CAPN2: variants seen among roughly 807,000 people sequenced by gnomAD.
The protein encoded by CAPN2 is calpain 2.
In CAPN2, 92 loss-of-function variants were observed where a neutral mutation model predicts 102.3. The observed-to-expected ratio is 0.90, with a 90% CI of 0.76 to 1.07. The LOEUF is 1.07. CAPN2 is among the 50% of genes least tolerant of loss of function. The pLI is 0.00. For synonymous variants in CAPN2, 340 were observed against 355.4 expected (o/e 0.96, Z 0.49); for missense variants, 800 against 909.4 (o/e 0.88, Z 1.55).
At chr1:223,728,362 G>C (rs990619878) in intron 2 of CAPN2, among the ~76,000 whole-genome samples, 1 of 152,070 alleles carries the variant, frequency 6.6e-6, no homozygotes, top group Non-Finnish European at 1.5e-5. Flanking sequence ...TCTCTTTTGT[G>C]GTCTCCCCAT....
At chr1:223,720,460 C>T (rs961447557) in intron 2 of CAPN2, among the ~76,000 whole-genome samples, 2 of 151,770 alleles carry the variant, frequency 1.3e-5, no homozygotes, top group African/African-American at 4.8e-5. Flanking sequence ...GGACTACAGG[C>T]ACACGCCACC....
At position 223,725,156 on chromosome 1, in the gene CAPN2, A is replaced by G. The variant is rs1215088044; in HGVS notation, c.307+7325A>G. On this transcript the variant is annotated intron_variant, in intron 2 of 20. Coordinates refer to ENST00000295006, the MANE Select transcript of CAPN2 (RefSeq NM_001748.5). The surrounding 1 kb of genome is among the most constrained non-coding windows in gnomAD (Gnocchi z 4.1). ...TCATCCGTGAAATGAAGATAATAAT[A>G]GTGCCTACTATCAAGACCATCCTGG... is the stretch of plus-strand genomic sequence containing the variant. Among the ~76,000 whole-genome samples, 1 of 152,204 alleles carries G rather than the reference A, an allele frequency of 6.6e-6. No homozygotes were observed. Among genetic ancestry groups the G allele is most frequent in the Non-Finnish European group, 1.5e-5 (1 of 68,044 alleles).
At chr1:223,711,552 T>C (rs574285320), upstream of CAPN2, among the ~76,000 whole-genome samples, 11 of 152,256 alleles carry the variant, frequency 7.2e-5, no homozygotes, top group Non-Finnish European at 1.6e-4. Context: ...GTATCTGTTG[T>C]TTATCTGAAA....
In CAPN2 at chr1:223,745,378, T is replaced by C. The variant is rs964697479; in HGVS notation, c.499T>C (p.Phe167Leu). 8 of 1,614,168 alleles carry C rather than the reference T, an allele frequency of 5.0e-6. No individual in the cohort carries two copies. The highest frequency in any genetic ancestry group is 5.9e-6 in the Non-Finnish European group (7 of 1,180,022). The part of the protein sequence containing the change: ...RLPTKDGELL[F>L]VHSAEGSEFW... ...GCCCACCAAGGACGGGGAGCTGCTCTTTGTGCATTCAGCCGAAGGGAGCGA... is the reference window on the plus strand; with the variant it reads ...GCCCACCAAGGACGGGGAGCTGCTCCTTGTGCATTCAGCCGAAGGGAGCGA... Residue 167 changes from phenylalanine (F) to leucine (L), a missense_variant, in exon 4 of 21, where the codon TTT becomes CTT. Transcript: ENST00000295006.
At position 223,759,128 on chromosome 1, in the gene CAPN2, G is replaced by A. The variant is rs1222080; in HGVS notation, c.1318-142G>A. The stretch of plus-strand genomic sequence containing the variant: ...TGTGTTGCCCAGGCTGGTTTCTGAC[G>A]CCTGGCCTCGCCTCCTTATACACCA... On this transcript the variant is annotated intron_variant, in intron 11 of 20. Transcript: ENST00000295006. This position sits in a 1 kb window ranked among gnomAD's most constrained non-coding sequence, Gnocchi z 4.6. 0.041 allele frequency: 30,818 copies of A among 750,346 alleles called. 2,899 individuals are homozygous for A. Among genetic ancestry groups the A allele is most frequent in the African/African-American group, 0.27 (15,288 of 57,506 alleles). The allele number at this position is 750,346 out of a possible 1,614,324, so 46.5% of individuals were successfully genotyped here. A position where few individuals can be genotyped will look rare whatever the true frequency, so the allele number is the denominator to read the frequency against.
chr1:223,731,784 G>A lies in CAPN2; in HGVS notation c.308-12316G>A, dbSNP rs1362241174. The stretch of plus-strand genomic sequence containing the variant: ...CGAGAAGCATGGAGTGAGGGATGTG[G>A]AGGCAGCGGAAGGCATCTGGGAGTC... On this transcript the variant is annotated intron_variant, in intron 2 of 20. Transcript: ENST00000295006. This position sits in a 1 kb window ranked among gnomAD's most constrained non-coding sequence, Gnocchi z 4.2. Among the ~76,000 whole-genome samples the A allele has an allele frequency of 4.6e-5, 7 of 152,238 alleles. No individual in the cohort carries two copies. Among genetic ancestry groups the A allele is most frequent in the African/African-American group, 1.7e-4 (7 of 41,470 alleles).
At chr1:223,757,682 A>ACTCTTTGT in intron 11 of CAPN2, 1 of 479,848 alleles carries the variant, frequency 2.1e-6, no homozygotes, top group Non-Finnish European at 3.7e-6. Context: ...GAGGCTTTTC[A>ACTCTTTGT]CAAAGTTCTT....
intron 11 of CAPN2, chr1:223,758,497 C>A (rs1661095286): frequency 6.6e-6 from 1 of 152,282 alleles, no homozygotes; most frequent in African/African-American, 2.4e-5. Flanking sequence ...GTGCATCATA[C>A]ACCACGTAGA....
rs1660153308 is a variant in CAPN2, at chr1:223,725,039, G to A, written c.307+7208G>A. On this transcript the variant is annotated intron_variant, in intron 2 of 20. Transcript: ENST00000295006. The surrounding 1 kb of genome is among the most constrained non-coding windows in gnomAD (Gnocchi z 4.1). ...TATCAGGGTAGCGAATGAGGACTTG[G>A]TGTCTGGCAGTTAGGGACTGGCCTC... is the stretch of plus-strand genomic sequence containing the variant. Among the ~76,000 whole-genome samples the A allele has an allele frequency of 6.6e-6, 1 of 152,166 alleles. No homozygotes were observed. Among genetic ancestry groups the A allele is most frequent in the Non-Finnish European group, 1.5e-5 (1 of 68,030 alleles).
intron 5 of CAPN2, 98 bp from the exon 6 acceptor site, chr1:223,748,941 G>A (rs1258926496): frequency 1.8e-6 from 2 of 1,121,606 alleles, no homozygotes; most frequent in South Asian, 1.3e-5. Context: ...GCGCTAGTGC[G>A]TCCGGCGGTC....
chr1:223,747,832 C>A (rs1660784803), intron 5 of CAPN2, among the ~76,000 whole-genome samples: 1 of 152,158 alleles, frequency 6.6e-6, no homozygotes, highest in African/African-American at 2.4e-5. Context: ...TTTAGCATTT[C>A]AAAGTGCCAT....
At position 223,756,833 on chromosome 1, in the gene CAPN2, C is replaced by T. The variant is rs1405662321; in HGVS notation, c.1306-536C>T. Among the ~76,000 whole-genome samples the T allele has an allele frequency of 6.6e-6, 1 of 152,206 alleles. No individual in the cohort carries two copies. Among genetic ancestry groups the T allele is most frequent in the Admixed American group, 6.5e-5 (1 of 15,284 alleles). ...TGGAATTGTGATACACAGCTTCCCT[C>T]CCACCGGCTTATGGGCTTGGAAATG... On this transcript the variant is annotated intron_variant, in intron 10 of 20. Transcript: ENST00000295006. This position sits in a 1 kb window ranked among gnomAD's most constrained non-coding sequence, Gnocchi z 4.1.
chr1:223,773,989 C>CA (rs1265834511), intron 20 of CAPN2, among the ~76,000 whole-genome samples: 3 of 152,176 alleles, frequency 2.0e-5, no homozygotes, highest in African/African-American at 7.2e-5. Context: ...GCCATGATCT[C>CA]CCCACTACAT....
chr1:223,739,303 C>A (rs1479149238), intron 2 of CAPN2, among the ~76,000 whole-genome samples: 4 of 151,812 alleles, frequency 2.6e-5, no homozygotes, highest in African/African-American at 9.7e-5. Context: ...CATGCCTCAG[C>A]CTCTCCAGTA....
upstream of CAPN2, among the ~76,000 whole-genome samples, chr1:223,710,633 G>C (rs1659707260): frequency 1.3e-5 from 2 of 152,154 alleles, no homozygotes; most frequent in Admixed American, 1.3e-4. Flanking sequence ...TTTACTGCCT[G>C]TTCACTCTGA....
In CAPN2 at chr1:223,759,180, A is replaced by G. The variant is rs1222228316; in HGVS notation, c.1318-90A>G. ...GACAGCAGGACTGAGCCACCACACT[A>G]CCCAACTGCTTTTATCTCAGTGAAT... On this transcript the variant is annotated intron_variant, in intron 11 of 20. Coordinates refer to ENST00000295006, the MANE Select transcript of CAPN2 (RefSeq NM_001748.5). This position sits in a 1 kb window ranked among gnomAD's most constrained non-coding sequence, Gnocchi z 4.6. 4 of 1,244,108 alleles carry G rather than the reference A, an allele frequency of 3.2e-6. No homozygotes were observed. In the Admixed American group the frequency reaches 7.3e-5, roughly 23 times the overall value. 77.1% of individuals were successfully genotyped at this position (1,244,108 alleles called of 1,614,324 possible).
At chr1:223,750,685 AG>A (rs1286330047) in intron 6 of CAPN2, among the ~76,000 whole-genome samples, 1 of 152,214 alleles carries the variant, frequency 6.6e-6, no homozygotes, top group East Asian at 1.9e-4. Flanking sequence ...CATTTTCCAA[AG>A]CTAGGCAGCA....
At chr1:223,765,768 G>A (rs1222153) in intron 15 of CAPN2, among the ~76,000 whole-genome samples, 51,762 of 152,064 alleles carry the variant, frequency 0.34, 11,702 homozygotes, top group African/African-American at 0.65. Context: ...AACCTCTTTC[G>A]GGGACATAAC....
At chr1:223,721,649 G>A (rs1660054332) in intron 2 of CAPN2, among the ~76,000 whole-genome samples, 1 of 152,226 alleles carries the variant, frequency 6.6e-6, no homozygotes, top group Non-Finnish European at 1.5e-5. Context: ...CCACTGGGAG[G>A]TGTTTAGCTA....
Sources: gnomAD v4.1 joint callset for allele counts (sites outside exome capture counted in the v4.1 genomes callset) on GRCh38, gnomAD v4.1.1 for gene constraint, Gnocchi (gnomAD v3.1) non-coding constraint, MANE v1.5 for transcripts, NCBI Gene and HGNC (gene_info 2026-07-23, HGNC 2026-07-21) for gene names.